The following SMPD3 variants were observed in gnomAD, a reference collection of about 807,000 sequenced individuals.
SMPD3 encodes the protein sphingomyelin phosphodiesterase 3.
In SMPD3, 21 loss-of-function variants were observed where a neutral mutation model predicts 55.7. The observed-to-expected ratio is 0.38, with a 90% confidence interval of 0.27 to 0.54. The LOEUF (loss-of-function observed/expected upper bound fraction) is 0.54. Ranked by LOEUF, SMPD3 falls within the 20% of genes least tolerant of loss-of-function variation. SMPD3 has a pLI of 0.80. For synonymous variants in SMPD3, 457 were observed against 404.3 expected (o/e 1.13, Z -1.56); for missense variants, 842 against 899.6 (o/e 0.94, Z 0.82).
At chr16:68,363,721 T>C (rs1306652275) in intron 6 of SMPD3, 56 bp downstream of exon 6, 4 of 1,511,212 alleles carry the variant, frequency 2.6e-6, no homozygotes, top group African/African-American at 2.8e-5. Context: ...TGGTGATCTT[T>C]GAGGGAAGTC....
At chr16:68,402,986 T>A (rs1317549282) in intron 1 of SMPD3, among the ~76,000 whole-genome samples, 1 of 152,236 alleles carries the variant, frequency 6.6e-6, no homozygotes, top group Non-Finnish European at 1.5e-5. Flanking sequence ...TAGTCTTGTA[T>A]GGAGAGTGGA....
rs1255309230 is a variant in SMPD3, at chr16:68,361,307, C to A, written c.1867G>T (p.Glu623Ter). 1 of 1,609,518 alleles carries A rather than the reference C, an allele frequency of 6.2e-7. No homozygotes were observed. Among genetic ancestry groups the A allele is most frequent in the Non-Finnish European group, 8.5e-7 (1 of 1,177,980 alleles). Residue 623 changes from glutamate to a stop codon, truncating the protein, a stop_gained and splice_region_variant, in exon 9 of 9, where the codon GAG (glutamate) becomes TAG (stop). Coordinates refer to ENST00000219334, the MANE Select transcript of SMPD3 (RefSeq NM_018667.4). LOFTEE classifies it high-confidence loss of function. ...GTGATAAAACTGAATTCTTCCACCTCCTGGGGTGAGTGGGAGAGGGGAGAA... is the reference window on the plus strand; with the variant it reads ...GTGATAAAACTGAATTCTTCCACCTACTGGGGTGAGTGGGAGAGGGGAGAA... ...EEGLCPDWKA[E>*]VEEFSFITQL...
chr16:68,415,605 C>T (rs1018915777), intron 1 of SMPD3, among the ~76,000 whole-genome samples: 4 of 152,126 alleles, frequency 2.6e-5, no homozygotes, highest in African/African-American at 9.7e-5. Flanking sequence ...AAAGTGTAAC[C>T]ATGACTACTG....
chr16:68,365,113 T>C, intron 3 of SMPD3, 21 bp from the exon 4 acceptor site: 2 of 1,612,812 alleles, frequency 1.2e-6, no homozygotes, highest in South Asian at 2.2e-5. Context: ...AGGGGGTCAG[T>C]GCTGCCACCT....
chr16:68,435,999 G>A (rs2090520544), intron 1 of SMPD3, among the ~76,000 whole-genome samples: 1 of 152,152 alleles, frequency 6.6e-6, no homozygotes, highest in Non-Finnish European at 1.5e-5. Flanking sequence ...CATTTCAGCT[G>A]GAATCAAGTG....
At chr16:68,438,312 T>G (rs2090539925) in intron 1 of SMPD3, among the ~76,000 whole-genome samples, 1 of 152,204 alleles carries the variant, frequency 6.6e-6, no homozygotes. Context: ...GCCCAGGGCT[T>G]TTGTGAAGAC....
At chr16:68,399,980 A>G (rs893171842) in intron 1 of SMPD3, among the ~76,000 whole-genome samples, 2 of 152,042 alleles carry the variant, frequency 1.3e-5, no homozygotes, top group Non-Finnish European at 2.9e-5. Flanking sequence ...TCTCCACTCT[A>G]CTCCATAGCA....
chr16:68,383,888 C>T (rs1219687987), intron 2 of SMPD3, among the ~76,000 whole-genome samples: 1 of 152,212 alleles, frequency 6.6e-6, no homozygotes, highest in Non-Finnish European at 1.5e-5. Context: ...ATTCTGCCCC[C>T]TAGTCCCCTG....
chr16:68,379,896 A>G (rs1487318962), intron 2 of SMPD3, among the ~76,000 whole-genome samples: 1 of 152,240 alleles, frequency 6.6e-6, no homozygotes, highest in African/African-American at 2.4e-5. Context: ...ACTGGAAAGC[A>G]AATCTCAAGC....
intron 1 of SMPD3, among the ~76,000 whole-genome samples, chr16:68,390,381 G>T (rs954135739): frequency 6.6e-6 from 1 of 152,168 alleles, no homozygotes; most frequent in Non-Finnish European, 1.5e-5. Context: ...CCTAACCTAG[G>T]CTGGATGTGG....
chr16:68,363,294 T>TGGGCGTGA (rs1331983751), intron 7 of SMPD3, among the ~76,000 whole-genome samples: 5 of 152,268 alleles, frequency 3.3e-5, no homozygotes, highest in East Asian at 3.9e-4. Context: ...CCAGTACCCC[T>TGGGCGTGA]GGGCGTGAGG....
intron 8 of SMPD3, 50 bp downstream of exon 8, chr16:68,361,553 G>A: frequency 6.3e-7 from 1 of 1,596,214 alleles, no homozygotes; most frequent in Non-Finnish European, 8.5e-7. Flanking sequence ...CAGGGCCCGG[G>A]CCCTGCTCTC....
intron 1 of SMPD3, among the ~76,000 whole-genome samples, chr16:68,397,822 C>T (rs1369532666): frequency 1.3e-5 from 2 of 152,160 alleles, no homozygotes; most frequent in Non-Finnish European, 2.9e-5. Context: ...GGTGGCAGTG[C>T]TTCGTCTTAG....
chr16:68,404,949 C>T lies in SMPD3; in HGVS notation c.-268-18290G>A, dbSNP rs949147137. On this transcript the variant is annotated intron_variant, in intron 1 of 8. Coordinates refer to ENST00000219334, the MANE Select transcript of SMPD3 (RefSeq NM_018667.4). This position sits in a 1 kb window ranked among gnomAD's most constrained non-coding sequence, Gnocchi z 4.0. ...GACTTGCCAGGCCCTGTGGGCCAAG[C>T]GGATGTAGGACCTGGCTCTTATCCG... Among the ~76,000 whole-genome samples, 20 of 152,198 alleles carry T rather than the reference C, an allele frequency of 1.3e-4. No individual in the cohort carries two copies. The highest frequency in any genetic ancestry group is 9.8e-4 in the Admixed American group (15 of 15,286).
chr16:68,375,216 T>C (rs2089780547), intron 2 of SMPD3, among the ~76,000 whole-genome samples: 1 of 151,884 alleles, frequency 6.6e-6, no homozygotes, highest in Non-Finnish European at 1.5e-5. Context: ...CTCCCTTTGG[T>C]GGTCTCACTG....
chr16:68,370,820 G>A, intron 3 of SMPD3, 39 bp downstream of exon 3: 1 of 1,607,628 alleles, frequency 6.2e-7, no homozygotes, highest in Non-Finnish European at 8.5e-7. Flanking sequence ...TCTAGGACCA[G>A]CTGGCACGTG....
At chr16:68,426,007 C>T (rs1287166403) in intron 1 of SMPD3, among the ~76,000 whole-genome samples, 2 of 152,102 alleles carry the variant, frequency 1.3e-5, no homozygotes, top group East Asian at 3.9e-4. Flanking sequence ...GCAGGGATCC[C>T]TAGTGCTGAT....
chr16:68,439,772 CAAT>C (rs948074918), intron 1 of SMPD3, among the ~76,000 whole-genome samples: 7 of 152,350 alleles, frequency 4.6e-5, no homozygotes, highest in Non-Finnish European at 1.0e-4. Flanking sequence ...AGAACAGCAA[CAAT>C]ATGTGTTCCC....
intron 1 of SMPD3, among the ~76,000 whole-genome samples, chr16:68,414,537 T>A (rs1343313925): frequency 6.6e-6 from 1 of 152,146 alleles, no homozygotes; most frequent in East Asian, 1.9e-4. Flanking sequence ...GATTTCCTGG[T>A]GGGAGACTCT....
Sources: allele counts gnomAD v4.1 joint callset (sites outside exome capture counted in the v4.1 genomes callset), GRCh38; gene constraint gnomAD v4.1.1; non-coding constraint Gnocchi (gnomAD v3.1); transcripts MANE v1.5; gene names NCBI Gene and HGNC (gene_info 2026-07-23, HGNC 2026-07-21).